ROBO1: variants seen among roughly 807,000 people sequenced by gnomAD.
ROBO1 encodes the protein roundabout homolog 1.
A neutral mutation model predicts 195.9 loss-of-function variants in ROBO1; 149 were observed. The ratio of observed to expected loss-of-function variants is 0.76; its 90% CI spans 0.67 to 0.87. ROBO1 has a LOEUF of 0.87. Ranked by LOEUF, ROBO1 falls within the 40% of genes least tolerant of loss-of-function variation. The pLI is 0.00. For synonymous variants in ROBO1, 816 were observed against 733.2 expected (o/e 1.11, Z -1.82); for missense variants, 1,933 against 2,068.3 (o/e 0.93, Z 1.27).
At chr3:79,653,585 ATTTGCAT>A (rs1352809826) in intron 1 of ROBO1, among the ~76,000 whole-genome samples, 1 of 151,994 alleles carries the variant, frequency 6.6e-6, no homozygotes, top group Non-Finnish European at 1.5e-5. Flanking sequence ...AGATGAGAAT[ATTTGCAT>A]TCCCATTAGG....
At chr3:78,713,569 GA>G (rs1224992991) in intron 8 of ROBO1, among the ~76,000 whole-genome samples, 2 of 148,578 alleles carry the variant, frequency 1.3e-5, no homozygotes, top group Admixed American at 6.7e-5. Context: ...CACTTAAAAA[GA>G]AAAAAAAATA....
intron 4 of ROBO1, among the ~76,000 whole-genome samples, chr3:78,915,694 G>C (rs375995215): frequency 2.0e-5 from 3 of 150,704 alleles, no homozygotes; most frequent in African/African-American, 7.3e-5. Context: ...TGTTTTTTTT[G>C]AGGCAGGGTT....
intron 2 of ROBO1, chr3:79,533,179 T>A: frequency 3.1e-6 from 1 of 326,732 alleles, no homozygotes. Context: ...GAATACAGTA[T>A]AAACTCTATG....
chr3:79,525,671 T>C (rs1290864363), intron 2 of ROBO1, among the ~76,000 whole-genome samples: 4 of 150,012 alleles, frequency 2.7e-5, no homozygotes, highest in African/African-American at 9.8e-5. Context: ...AGTGGTGTGA[T>C]CTCGGCTCAC....
intron 2 of ROBO1, among the ~76,000 whole-genome samples, chr3:79,301,116 G>C (rs2032926745): frequency 6.6e-6 from 1 of 152,094 alleles, no homozygotes; most frequent in Non-Finnish European, 1.5e-5. Flanking sequence ...TGTTGCTACT[G>C]CTCACTCTTT....
chr3:79,185,374 A>G (rs1031572598), intron 2 of ROBO1, among the ~76,000 whole-genome samples: 1 of 152,156 alleles, frequency 6.6e-6, no homozygotes, highest in African/African-American at 2.4e-5. Flanking sequence ...AGAGAGATTT[A>G]GGACAAAAAG....
chr3:79,516,400 T>C (rs930724307), intron 2 of ROBO1, among the ~76,000 whole-genome samples: 3 of 152,074 alleles, frequency 2.0e-5, no homozygotes, highest in Non-Finnish European at 4.4e-5. Context: ...AGGAAGCATA[T>C]ATAATTTCAA....
intron 2 of ROBO1, among the ~76,000 whole-genome samples, chr3:79,366,628 C>T (rs1298476782): frequency 6.6e-6 from 1 of 152,128 alleles, no homozygotes; most frequent in African/African-American, 2.4e-5. Flanking sequence ...GAATGCCCAG[C>T]ACTTGGCCGG....
chr3:79,266,784 C>T (rs1045508000), intron 2 of ROBO1, among the ~76,000 whole-genome samples: 1 of 151,490 alleles, frequency 6.6e-6, no homozygotes, highest in African/African-American at 2.4e-5. Context: ...GTGCCCAACC[C>T]ATTTTATACC....
chr3:78,764,008 A>G (rs2083168683), intron 4 of ROBO1, among the ~76,000 whole-genome samples: 1 of 152,184 alleles, frequency 6.6e-6, no homozygotes, highest in Admixed American at 6.6e-5. Context: ...GAGGGCTGCA[A>G]ATAGAAGCTG....
intron 1 of ROBO1, among the ~76,000 whole-genome samples, chr3:79,609,029 T>G (rs1336337705): frequency 6.6e-6 from 1 of 151,942 alleles, no homozygotes; most frequent in Non-Finnish European, 1.5e-5. Flanking sequence ...CCATTTGTCC[T>G]TTTGACTTCT....
chr3:79,057,101 G>T (rs1305191812), intron 3 of ROBO1, among the ~76,000 whole-genome samples: 2 of 151,968 alleles, frequency 1.3e-5, no homozygotes, highest in South Asian at 4.2e-4. Context: ...TGACTTCTTG[G>T]GTGGTCCCTT....
At chr3:79,140,968 A>G (rs1291437717) in intron 2 of ROBO1, among the ~76,000 whole-genome samples, 2 of 152,172 alleles carry the variant, frequency 1.3e-5, no homozygotes, top group East Asian at 1.9e-4. Context: ...CTTTGTGCTG[A>G]TAAAGATGAA....
chr3:79,052,634 C>G (rs1323669092), intron 3 of ROBO1, among the ~76,000 whole-genome samples: 1 of 152,116 alleles, frequency 6.6e-6, no homozygotes, highest in Non-Finnish European at 1.5e-5. Flanking sequence ...AGAGACCCAG[C>G]TGTAAAATTT....
intron 18 of ROBO1, among the ~76,000 whole-genome samples, chr3:78,655,860 T>C (rs1385758892): frequency 6.6e-6 from 1 of 152,194 alleles, no homozygotes; most frequent in Non-Finnish European, 1.5e-5. Flanking sequence ...ATTTCGCTAG[T>C]AATAAAATAC....
intron 2 of ROBO1, among the ~76,000 whole-genome samples, chr3:79,470,502 A>C (rs764247768): frequency 6.6e-6 from 1 of 152,182 alleles, no homozygotes; most frequent in Non-Finnish European, 1.5e-5. Context: ...AGGCACATGT[A>C]TACATATGTA....
intron 2 of ROBO1, among the ~76,000 whole-genome samples, chr3:79,327,201 T>G (rs2109153655): frequency 6.6e-6 from 1 of 152,212 alleles, no homozygotes; most frequent in Admixed American, 6.5e-5. Context: ...AATTGTCCAA[T>G]ATTTCATTTG....
In ROBO1 at chr3:78,686,003, A is replaced by G. The variant is rs906376591; in HGVS notation, c.1171-86T>C. On this transcript the variant is annotated intron_variant, in intron 9 of 30. Coordinates refer to ENST00000464233, the MANE Select transcript of ROBO1 (RefSeq NM_002941.4). ...TTTTGGCACTTATGCATTTACATGT[A>G]AAAACATACATATAAAAGTATTCAT... The G allele has an allele frequency of 1.2e-5, 13 of 1,087,868 alleles. No individual in the cohort carries two copies. In the Admixed American group the frequency reaches 2.1e-4, roughly 18 times the overall value. 67.4% of individuals were successfully genotyped at this position (1,087,868 alleles called of 1,614,324 possible). A position where few individuals can be genotyped will look rare whatever the true frequency, so the allele number is the denominator to read the frequency against.
Position 79,078,090 on chromosome 3 carries a change from T to G in ROBO1, c.172+47366A>C, listed in dbSNP as rs760015589. Among the ~76,000 whole-genome samples, 10 of 151,824 alleles carry G rather than the reference T, an allele frequency of 6.6e-5. No individual in the cohort carries two copies. The East Asian group carries it at 7.8e-4, about 12-fold the overall frequency. On this transcript the variant is annotated intron_variant, in intron 3 of 30. Coordinates refer to ENST00000464233, the MANE Select transcript of ROBO1 (RefSeq NM_002941.4). Reference sequence around the variant, plus strand: ...TTCTAATATATATGTGACTGCTTTTTGAAACCACAAAGGAAAGAAGGAAAA... The same window carrying G: ...TTCTAATATATATGTGACTGCTTTTGGAAACCACAAAGGAAAGAAGGAAAA...
Sources: gnomAD v4.1 joint callset for allele counts (sites outside exome capture counted in the v4.1 genomes callset) on GRCh38, gnomAD v4.1.1 for gene constraint, MANE v1.5 for transcripts, NCBI Gene and HGNC (gene_info 2026-07-23, HGNC 2026-07-21) for gene names.